The following TLL1 variants were observed in gnomAD, a reference collection of about 807,000 sequenced individuals.
TLL1 encodes tolloid like 1.
Under a neutral mutation model 128.2 loss-of-function variants are expected in TLL1, and 49 were observed. The observed-to-expected ratio is 0.38, with a 90% confidence interval of 0.30 to 0.48. The LOEUF is 0.48. TLL1 is among the 20% of genes least tolerant of loss of function. The pLI is 0.96. For synonymous variants in TLL1, 454 were observed against 418.8 expected (o/e 1.08, Z -1.03); for missense variants, 1,123 against 1,242.0 (o/e 0.90, Z 1.44).
chr4:166,078,594 C>T (rs1741143275), intron 18 of TLL1, among the ~76,000 whole-genome samples: 1 of 152,128 alleles, frequency 6.6e-6, no homozygotes, highest in African/African-American at 2.4e-5. Context: ...AGTATAATGT[C>T]TCATCTCTCC....
At chr4:166,040,613 A>C (rs550312019) in intron 10 of TLL1, among the ~76,000 whole-genome samples, 16 of 152,348 alleles carry the variant, frequency 1.1e-4, no homozygotes, top group African/African-American at 3.6e-4. Flanking sequence ...CAAAAAGTGC[A>C]GCACTTAGAT....
chr4:166,030,870 A>AT (rs1738735824), intron 9 of TLL1: 1 of 990,204 alleles, frequency 1.0e-6, no homozygotes, highest in East Asian at 1.1e-4. Flanking sequence ...GAAAATGTGG[A>AT]TTTTTTACAT....
chr4:165,961,418 T>C (rs1735094744), intron 1 of TLL1, among the ~76,000 whole-genome samples: 1 of 152,108 alleles, frequency 6.6e-6, no homozygotes, highest in African/African-American at 2.4e-5. Flanking sequence ...AGATTCAGCA[T>C]GATTCCTGTC....
At chr4:165,897,089 T>C (rs1291595121) in intron 1 of TLL1, among the ~76,000 whole-genome samples, 3 of 152,062 alleles carry the variant, frequency 2.0e-5, no homozygotes, top group Non-Finnish European at 4.4e-5. Context: ...CTTCTTGATT[T>C]TTTTTTCTTG....
intron 1 of TLL1, among the ~76,000 whole-genome samples, chr4:165,976,145 A>G (rs1244917393): frequency 6.6e-6 from 1 of 152,016 alleles, no homozygotes; most frequent in East Asian, 1.9e-4. Context: ...ACACATACAC[A>G]CACAGAGCAA....
intron 12 of TLL1, 97 bp from the exon 13 acceptor site, chr4:166,054,979 A>T: frequency 2.0e-6 from 2 of 993,078 alleles, no homozygotes; most frequent in Non-Finnish European, 2.9e-6. Context: ...CTTTTATATT[A>T]ACAAATCAGA....
chr4:165,892,260 G>T (rs1320258938), intron 1 of TLL1, among the ~76,000 whole-genome samples: 1 of 152,162 alleles, frequency 6.6e-6, no homozygotes, highest in Non-Finnish European at 1.5e-5. Flanking sequence ...GATGAGATTT[G>T]GGTGGGGACA....
chr4:165,885,488 G>T (rs1258063208), intron 1 of TLL1, among the ~76,000 whole-genome samples: 1 of 152,016 alleles, frequency 6.6e-6, no homozygotes, highest in Middle Eastern at 3.2e-3. Context: ...AGGCCCTGAA[G>T]TAGGCCATGC....
intron 1 of TLL1, among the ~76,000 whole-genome samples, chr4:165,980,141 G>T (rs2110994605): frequency 6.6e-6 from 1 of 151,816 alleles, no homozygotes; most frequent in South Asian, 2.1e-4. Context: ...TCCGAGCATG[G>T]TTTTTCTTCA....
chr4:166,012,123 A>G (rs1737722172), intron 7 of TLL1, among the ~76,000 whole-genome samples: 1 of 151,514 alleles, frequency 6.6e-6, no homozygotes, highest in African/African-American at 2.4e-5. Context: ...TTTCATTTAA[A>G]AAGTCGTAAA....
At chr4:166,011,442 C>T (rs1467474519) in intron 7 of TLL1, among the ~76,000 whole-genome samples, 4 of 151,312 alleles carry the variant, frequency 2.6e-5, no homozygotes, top group African/African-American at 9.7e-5. Flanking sequence ...GTTGTAAATG[C>T]ATAAAAATGC....
At chr4:165,945,575 T>G (rs2110930205) in intron 1 of TLL1, among the ~76,000 whole-genome samples, 1 of 152,188 alleles carries the variant, frequency 6.6e-6, no homozygotes, top group African/African-American at 2.4e-5. Context: ...AAAGTTATTC[T>G]AAATAGGTGA....
At chr4:166,093,471 C>T (rs923763900) in intron 19 of TLL1, among the ~76,000 whole-genome samples, 2 of 152,184 alleles carry the variant, frequency 1.3e-5, no homozygotes, top group South Asian at 2.1e-4. Flanking sequence ...CAACATGTCT[C>T]GCCTCCTGCC....
intron 8 of TLL1, among the ~76,000 whole-genome samples, chr4:166,016,602 G>T (rs1033734261): frequency 4.6e-5 from 7 of 151,772 alleles, no homozygotes; most frequent in African/African-American, 7.3e-5. Flanking sequence ...ACATTAATGG[G>T]CCATTTTCTT....
chr4:166,073,881 T>G (rs2111135520), intron 16 of TLL1, among the ~76,000 whole-genome samples: 1 of 152,174 alleles, frequency 6.6e-6, no homozygotes, highest in Middle Eastern at 3.4e-3. Context: ...AGTAACAATT[T>G]GAATTCAGCC....
At chr4:166,074,032 G>A (rs1414665552) in intron 16 of TLL1, among the ~76,000 whole-genome samples, 2 of 152,068 alleles carry the variant, frequency 1.3e-5, no homozygotes, top group African/African-American at 2.4e-5. Context: ...GCTATGGAAC[G>A]ACAGATGAGT....
intron 1 of TLL1, among the ~76,000 whole-genome samples, chr4:165,961,384 G>A (rs1450598682): frequency 6.6e-6 from 1 of 152,084 alleles, no homozygotes; most frequent in Non-Finnish European, 1.5e-5. Flanking sequence ...TCTTAAAATG[G>A]CCATACTGCC....
chr4:166,057,587 G>A (rs971471284), intron 14 of TLL1, among the ~76,000 whole-genome samples: 1 of 151,938 alleles, frequency 6.6e-6, no homozygotes, highest in Non-Finnish European at 1.5e-5. Context: ...AGACACATTA[G>A]CATATTTATT....
At chr4:165,941,798 C>T (rs1734024274) in intron 1 of TLL1, among the ~76,000 whole-genome samples, 1 of 152,046 alleles carries the variant, frequency 6.6e-6, no homozygotes, top group African/African-American at 2.4e-5. Context: ...ATAATTACTG[C>T]ATTTCATAGG....
Sources: allele counts gnomAD v4.1 joint callset (sites outside exome capture counted in the v4.1 genomes callset), GRCh38; gene constraint gnomAD v4.1.1; transcripts MANE v1.5; gene names NCBI Gene and HGNC (gene_info 2026-07-23, HGNC 2026-07-21).